The following NEGR1 variants were observed in gnomAD, a reference collection of about 807,000 sequenced individuals.
NEGR1 encodes neuronal growth regulator 1, also known as IgLON family member 4.
Under a neutral mutation model 40.9 loss-of-function variants are expected in NEGR1, and 10 were observed. That is an observed-to-expected ratio of 0.24 (90% confidence interval 0.15 to 0.42). NEGR1 has a LOEUF of 0.42. NEGR1 is among the 10% of genes least tolerant of loss of function. The pLI, the probability that NEGR1 is intolerant of heterozygous loss-of-function variation, is 1.00. For missense variants in NEGR1, 352 were observed against 438.9 expected (o/e 0.80, Z 1.77); for synonymous variants, 185 against 166.8 (o/e 1.11, Z -0.84).
chr1:71,852,453 C>T (rs754820401), intron 2 of NEGR1, among the ~76,000 whole-genome samples: 34 of 152,192 alleles, frequency 2.2e-4, no homozygotes, highest in Non-Finnish European at 3.5e-4. Flanking sequence ...AAACAATCAG[C>T]TATACCTAAG....
chr1:72,237,877 T>C lies in NEGR1; in HGVS notation c.176+44442A>G, dbSNP rs182084798. On this transcript the variant is annotated intron_variant, in intron 1 of 6. Coordinates refer to ENST00000357731, the MANE Select transcript of NEGR1 (RefSeq NM_173808.3). ...CATCACAAATAATGCATATGTACAA[T>C]TGAGTTAATAACAGCCTTATGCAGG... Among the ~76,000 whole-genome samples the C allele has an allele frequency of 5.3e-5, 8 of 152,060 alleles. No individual in the cohort carries two copies. In the East Asian group the frequency reaches 7.7e-4, roughly 15 times the overall value.
At chr1:71,970,175 A>G (rs1177912992) in intron 1 of NEGR1, among the ~76,000 whole-genome samples, 1 of 152,080 alleles carries the variant, frequency 6.6e-6, no homozygotes, top group Admixed American at 6.5e-5. Flanking sequence ...GAGTGTTGTC[A>G]GCAGAGGGAA....
intron 2 of NEGR1, among the ~76,000 whole-genome samples, chr1:71,851,825 C>T (rs1659612608): frequency 6.6e-6 from 1 of 151,832 alleles, no homozygotes; most frequent in Non-Finnish European, 1.5e-5. Flanking sequence ...ATATTTAAAC[C>T]GTGGATTTAT....
chr1:71,881,043 C>T (rs1380190110), intron 2 of NEGR1, among the ~76,000 whole-genome samples: 4 of 151,906 alleles, frequency 2.6e-5, no homozygotes, highest in African/African-American at 9.7e-5. Flanking sequence ...ATTTTATTGA[C>T]TCATCTTACC....
intron 1 of NEGR1, among the ~76,000 whole-genome samples, chr1:71,941,794 ATTT>A (rs1645961938): frequency 6.6e-6 from 1 of 152,108 alleles, no homozygotes. Context: ...TGTTATGTAT[ATTT>A]TTCATTCAAT....
chr1:71,792,600 T>C (rs1483469812), intron 2 of NEGR1, among the ~76,000 whole-genome samples: 1 of 152,184 alleles, frequency 6.6e-6, no homozygotes, highest in Non-Finnish European at 1.5e-5. Context: ...GTCAGTTATT[T>C]TATTGAAAAA....
At chr1:71,469,026 CA>C (rs1646765621) in intron 6 of NEGR1, among the ~76,000 whole-genome samples, 1 of 152,112 alleles carries the variant, frequency 6.6e-6, no homozygotes, top group Non-Finnish European at 1.5e-5. Context: ...TGTTCAAAAA[CA>C]TCGTAAAGAG....
At chr1:72,237,680 A>C (rs1185892785) in intron 1 of NEGR1, among the ~76,000 whole-genome samples, 1 of 152,036 alleles carries the variant, frequency 6.6e-6, no homozygotes, top group Non-Finnish European at 1.5e-5. Context: ...CTCAGTTTCC[A>C]ATAACTAAAA....
chr1:71,844,923 C>G (rs974130550), intron 2 of NEGR1, among the ~76,000 whole-genome samples: 5 of 152,096 alleles, frequency 3.3e-5, no homozygotes, highest in African/African-American at 1.2e-4. Flanking sequence ...AGGATATAGT[C>G]AAGAAAGTGC....
intron 2 of NEGR1, among the ~76,000 whole-genome samples, chr1:71,862,090 T>C (rs138250307): frequency 3.6e-4 from 55 of 152,300 alleles, no homozygotes; most frequent in African/African-American, 1.2e-3. Context: ...GTAATCCATA[T>C]TGTTTTTCTT....
At chr1:71,716,798 C>G (rs546810236) in intron 3 of NEGR1, among the ~76,000 whole-genome samples, 3 of 151,950 alleles carry the variant, frequency 2.0e-5, no homozygotes, top group African/African-American at 7.2e-5. Context: ...ACATTCTATC[C>G]CATTTAGTGG....
intron 1 of NEGR1, among the ~76,000 whole-genome samples, chr1:71,947,089 TACACACACACAC>T (rs3078155): frequency 1.7e-4 from 22 of 129,150 alleles, no homozygotes; most frequent in African/African-American, 3.9e-4. Flanking sequence ...TCCTGTCTCA[TACACACACACAC>T]ACACACACAC....
intron 2 of NEGR1, among the ~76,000 whole-genome samples, chr1:71,920,980 T>C (rs1241557923): frequency 1.3e-5 from 2 of 152,214 alleles, no homozygotes; most frequent in Non-Finnish European, 2.9e-5. Flanking sequence ...ACTGAAATGT[T>C]AATGATAATC....
chr1:71,553,683 C>T (rs1242335424), intron 6 of NEGR1, among the ~76,000 whole-genome samples: 1 of 151,512 alleles, frequency 6.6e-6, no homozygotes, highest in African/African-American at 2.4e-5. Flanking sequence ...GATAATTTCA[C>T]ATCTGTTTGT....
intron 6 of NEGR1, among the ~76,000 whole-genome samples, chr1:71,560,807 C>T (rs1648432134): frequency 6.6e-6 from 1 of 151,380 alleles, no homozygotes; most frequent in Non-Finnish European, 1.5e-5. Context: ...TATCCATTGT[C>T]TTCCCTGAAG....
At chr1:71,446,968 T>TA (rs1236940583) in intron 6 of NEGR1, among the ~76,000 whole-genome samples, 1 of 152,254 alleles carries the variant, frequency 6.6e-6, no homozygotes, top group Non-Finnish European at 1.5e-5. Flanking sequence ...ATGTTGTCTG[T>TA]AACTGGAGTT....
chr1:71,963,327 T>C (rs1001882314), intron 1 of NEGR1, among the ~76,000 whole-genome samples: 4 of 152,134 alleles, frequency 2.6e-5, no homozygotes, highest in Non-Finnish European at 4.4e-5. Flanking sequence ...CTACTACCTC[T>C]AAGTGGTCAT....
chr1:71,736,725 T>G (rs1412487235), intron 3 of NEGR1, among the ~76,000 whole-genome samples: 1 of 152,172 alleles, frequency 6.6e-6, no homozygotes, highest in African/African-American at 2.4e-5. Context: ...GAACCTCAAC[T>G]GTAACTAGTT....
At position 72,156,990 on chromosome 1, in the gene NEGR1, T is replaced by C. The variant is rs1651384274; in HGVS notation, c.176+125329A>G. On this transcript the variant is annotated intron_variant, in intron 1 of 6. Transcript: ENST00000357731. ...GTCTGTTTGTGTGTTTTTGAGACAG[T>C]GTCTCTCCGTTATCCAGGCTGGAAG... Among the ~76,000 whole-genome samples, 3 of 152,000 alleles carry C rather than the reference T, an allele frequency of 2.0e-5. No homozygotes were observed. The South Asian group carries it at 6.2e-4, about 31-fold the overall frequency.
Sources: allele counts gnomAD v4.1 joint callset (sites outside exome capture counted in the v4.1 genomes callset), GRCh38; gene constraint gnomAD v4.1.1; transcripts MANE v1.5; gene names NCBI Gene and HGNC (gene_info 2026-07-23, HGNC 2026-07-21).